Variants in PRKG1 observed in about 807,000 individuals in gnomAD.
The protein encoded by PRKG1 is protein kinase cGMP-dependent 1, also known as cGMP-dependent protein kinase 1.
In PRKG1, 35 loss-of-function variants were observed where a neutral mutation model predicts 88.1. The ratio of observed to expected loss-of-function variants is 0.40; its 90% CI spans 0.30 to 0.53. The LOEUF (loss-of-function observed/expected upper bound fraction) is 0.53, where lower values mean the gene tolerates loss of function less well. PRKG1 is among the 20% of genes least tolerant of loss of function. The probability of loss-of-function intolerance (pLI) is 0.59; values close to 1 mark genes in which losing one functional copy is unlikely to be tolerated. For synonymous variants in PRKG1, 303 were observed against 292.5 expected (o/e 1.04, Z -0.37); for missense variants, 540 against 839.8 (o/e 0.64, Z 4.41).
intron 7 of PRKG1, among the ~76,000 whole-genome samples, chr10:52,126,800 T>C (rs1260760818): frequency 6.6e-6 from 1 of 152,180 alleles, no homozygotes; most frequent in Admixed American, 6.6e-5. Flanking sequence ...GTGGTCATAT[T>C]TTGAGGAAAC....
chr10:51,393,051 C>T, intron 2 of PRKG1, among the ~76,000 whole-genome samples: 1 of 145,820 alleles, frequency 6.9e-6, no homozygotes, highest in East Asian at 2.0e-4. Flanking sequence ...AGGGGCTCCT[C>T]ACTTCTCAGG....
At chr10:52,212,597 G>A (rs746677985) in intron 9 of PRKG1, among the ~76,000 whole-genome samples, 19 of 151,472 alleles carry the variant, frequency 1.3e-4, no homozygotes, top group South Asian at 8.4e-4. Context: ...ATGGCTGTTG[G>A]GGGGAGAGGG....
At chr10:51,747,590 ATTACTGACACCAGGTGG>A (rs774063483) in intron 3 of PRKG1, among the ~76,000 whole-genome samples, 3 of 152,180 alleles carry the variant, frequency 2.0e-5, no homozygotes, top group Non-Finnish European at 4.4e-5. Flanking sequence ...ACTTCAATAG[ATTACTGACACCAGGTGG>A]TTAGCAACAT....
intron 3 of PRKG1, among the ~76,000 whole-genome samples, chr10:51,800,377 A>C (rs776641630): frequency 3.9e-5 from 6 of 152,088 alleles, no homozygotes; most frequent in Non-Finnish European, 7.4e-5. Flanking sequence ...GTGTAACTCG[A>C]AAATGCATTT....
chr10:51,686,818 C>T (rs376168505), intron 3 of PRKG1, among the ~76,000 whole-genome samples: 2 of 152,244 alleles, frequency 1.3e-5, no homozygotes, highest in East Asian at 3.9e-4. Flanking sequence ...TCACTGCAAC[C>T]TCTGTCTCCC....
intron 7 of PRKG1, among the ~76,000 whole-genome samples, chr10:52,116,612 C>A (rs186962731): frequency 1.9e-4 from 29 of 151,956 alleles, no homozygotes; most frequent in Non-Finnish European, 4.0e-4. Context: ...GAGAAACTTT[C>A]CAAATTAATA....
At chr10:51,699,037 T>C (rs1841389624) in intron 3 of PRKG1, 3 of 1,614,146 alleles carry the variant, frequency 1.9e-6, no homozygotes, top group Non-Finnish European at 2.5e-6. Flanking sequence ...CCTGCAACAG[T>C]GCATAAGCCA....
chr10:51,328,866 T>C (rs1317767112), intron 2 of PRKG1, among the ~76,000 whole-genome samples: 2 of 152,174 alleles, frequency 1.3e-5, no homozygotes. Flanking sequence ...TTAGGTACAT[T>C]TTATTTTTTT....
intron 2 of PRKG1, among the ~76,000 whole-genome samples, chr10:51,382,363 G>A (rs997377863): frequency 1.3e-5 from 2 of 152,158 alleles, no homozygotes; most frequent in African/African-American, 4.8e-5. Context: ...TGAAGGCAGA[G>A]ATCCAATGAT....
At position 51,408,322 on chromosome 10, in the gene PRKG1, A is replaced by G. The variant is rs573376310; in HGVS notation, c.479-59401A>G. Among the ~76,000 whole-genome samples, 8 of 152,284 alleles carry G rather than the reference A, an allele frequency of 5.3e-5. No individual in the cohort carries two copies. The East Asian group carries it at 1.5e-3, about 29-fold the overall frequency. The stretch of plus-strand genomic sequence containing the variant: ...TCAGGATGATGGGGAACATGGTAAG[A>G]CCAGTGAATTCCATGAGCATGAGCC... On this transcript the variant is annotated intron_variant, in intron 2 of 17. Coordinates refer to ENST00000373980, the MANE Select transcript of PRKG1 (RefSeq NM_006258.4).
At chr10:52,145,354 G>C (rs1837702547) in intron 8 of PRKG1, among the ~76,000 whole-genome samples, 1 of 152,044 alleles carries the variant, frequency 6.6e-6, no homozygotes, top group Non-Finnish European at 1.5e-5. Flanking sequence ...AATGTCTTCG[G>C]AACTCATAAA....
intron 2 of PRKG1, among the ~76,000 whole-genome samples, chr10:51,362,720 C>T (rs1842508745): frequency 6.6e-6 from 1 of 151,748 alleles, no homozygotes; most frequent in South Asian, 2.1e-4. Flanking sequence ...TGTTGGTTTG[C>T]TGCACCCATC....
chr10:51,685,458 G>C (rs1304508194), intron 3 of PRKG1, among the ~76,000 whole-genome samples: 2 of 152,164 alleles, frequency 1.3e-5, no homozygotes, highest in Non-Finnish European at 2.9e-5. Context: ...ACACTTGCAA[G>C]AGCCTTGCTA....
intron 3 of PRKG1, among the ~76,000 whole-genome samples, chr10:51,801,719 C>T (rs1238127791): frequency 1.3e-5 from 2 of 152,066 alleles, no homozygotes; most frequent in African/African-American, 4.8e-5. Flanking sequence ...TTTATGGCTC[C>T]TTCCTCTGTA....
At chr10:51,911,943 T>C (rs1000603910) in intron 5 of PRKG1, among the ~76,000 whole-genome samples, 1 of 152,226 alleles carries the variant, frequency 6.6e-6, no homozygotes, top group Admixed American at 6.5e-5. Flanking sequence ...ACTTGCCATG[T>C]GCCAGGAATT....
At chr10:52,086,402 G>T (rs1350645075) in intron 7 of PRKG1, among the ~76,000 whole-genome samples, 1 of 109,274 alleles carries the variant, frequency 9.2e-6, no homozygotes, top group Non-Finnish European at 1.9e-5. Context: ...GAGTTTATAG[G>T]TATGATTTTT....
At chr10:51,641,143 TA>T (rs981626984) in intron 3 of PRKG1, among the ~76,000 whole-genome samples, 20 of 152,008 alleles carry the variant, frequency 1.3e-4, no homozygotes, top group African/African-American at 4.6e-4. Flanking sequence ...CTTCCAAGAT[TA>T]AAAAAAATTA....
chr10:51,151,841 G>T (rs950500442), intron 1 of PRKG1, among the ~76,000 whole-genome samples: 5 of 152,008 alleles, frequency 3.3e-5, no homozygotes, highest in Admixed American at 2.0e-4. Flanking sequence ...TGGTTAGACT[G>T]AGGTCTGGAT....
intron 2 of PRKG1, among the ~76,000 whole-genome samples, chr10:51,256,155 T>C (rs936712464): frequency 3.3e-5 from 5 of 152,148 alleles, no homozygotes; most frequent in African/African-American, 1.2e-4. Flanking sequence ...GATTTTCTCC[T>C]TTCTCAGGGA....
Sources: gnomAD v4.1 joint callset for allele counts (sites outside exome capture counted in the v4.1 genomes callset) on GRCh38, gnomAD v4.1.1 for gene constraint, MANE v1.5 for transcripts, NCBI Gene and HGNC (gene_info 2026-07-23, HGNC 2026-07-21) for gene names.